The following UGGT2 variants were observed in gnomAD, a reference collection of about 807,000 sequenced individuals.
The protein encoded by UGGT2 is UDP-glucose:glycoprotein glucosyltransferase 2.
In UGGT2, 180 loss-of-function variants were observed where a neutral mutation model predicts 192.1. That is an observed-to-expected ratio of 0.94 (90% confidence interval 0.83 to 1.06). UGGT2 has a LOEUF of 1.06. UGGT2 is among the 50% of genes least tolerant of loss of function. UGGT2 has a pLI of 0.00. For missense variants in UGGT2, 1,849 were observed against 1,795.7 expected (o/e 1.03, Z -0.54); for synonymous variants, 580 against 591.0 (o/e 0.98, Z 0.27).
At chr13:96,039,690 G>A (rs2053110898) in intron 1 of UGGT2, among the ~76,000 whole-genome samples, 1 of 152,170 alleles carries the variant, frequency 6.6e-6, no homozygotes, top group African/African-American at 2.4e-5. Flanking sequence ...GCAGCGAGGA[G>A]AAACCAAGCA....
chr13:95,885,709 G>A (rs1436116626), intron 26 of UGGT2, among the ~76,000 whole-genome samples: 2 of 152,166 alleles, frequency 1.3e-5, no homozygotes, highest in East Asian at 3.8e-4. Flanking sequence ...GGAGAAACAG[G>A]AGAGAATACA....
intron 38 of UGGT2, among the ~76,000 whole-genome samples, chr13:95,823,320 TTTGTTGG>T (rs1885686161): frequency 1.3e-5 from 2 of 152,050 alleles, no homozygotes; most frequent in Non-Finnish European, 2.9e-5. Context: ...AAGTCCACTG[TTTGTTGG>T]CTTTCTGTCT....
At chr13:95,935,723 T>C (rs2049441318) in intron 17 of UGGT2, among the ~76,000 whole-genome samples, 1 of 152,222 alleles carries the variant, frequency 6.6e-6, no homozygotes, top group Non-Finnish European at 1.5e-5. Context: ...TCAAATATGT[T>C]TTCCTGGTTG....
chr13:95,960,920 T>C (rs1594444475), intron 12 of UGGT2, among the ~76,000 whole-genome samples: 2 of 152,100 alleles, frequency 1.3e-5, no homozygotes, highest in Non-Finnish European at 2.9e-5. Flanking sequence ...CAGTTGAGGA[T>C]ACTATACCCA....
intron 12 of UGGT2, among the ~76,000 whole-genome samples, chr13:95,969,362 C>T (rs1273091105): frequency 6.6e-6 from 1 of 152,206 alleles, no homozygotes; most frequent in Non-Finnish European, 1.5e-5. Context: ...ATAACAACTT[C>T]TGGGTCTTGC....
chr13:96,034,148 G>A (rs1464188824), intron 1 of UGGT2, among the ~76,000 whole-genome samples: 1 of 152,162 alleles, frequency 6.6e-6, no homozygotes, highest in Non-Finnish European at 1.5e-5. Flanking sequence ...TGACCTGCCT[G>A]TGGATAGGAG....
Position 95,994,694 on chromosome 13 carries a change from C to T in UGGT2, c.830+1369G>A, listed in dbSNP as rs2051562762. 2.6e-5 allele frequency among the ~76,000 whole-genome samples: 4 copies of T among 151,860 alleles called. 1 individual carries two copies. Among genetic ancestry groups the T allele is most frequent in the South Asian group, 4.1e-4 (2 of 4,826 alleles). ...CCAATTATTTACTTGACTTTTATGGCAGCTGTGTTAGAATAAAGAAAAGTA... is the reference window on the plus strand; with the variant it reads ...CCAATTATTTACTTGACTTTTATGGTAGCTGTGTTAGAATAAAGAAAAGTA... On this transcript the variant is annotated intron_variant, in intron 7 of 38. Transcript: ENST00000376747.
At chr13:96,034,254 AC>A (rs1194616885) in intron 1 of UGGT2, among the ~76,000 whole-genome samples, 7 of 151,986 alleles carry the variant, frequency 4.6e-5, no homozygotes, top group Non-Finnish European at 8.8e-5. Context: ...AGGGCTGCAG[AC>A]TCAACAGAAT....
chr13:95,845,740 G>A (rs934244299), intron 36 of UGGT2, among the ~76,000 whole-genome samples: 1 of 151,990 alleles, frequency 6.6e-6, no homozygotes, highest in Non-Finnish European at 1.5e-5. Flanking sequence ...TCCCAGACGG[G>A]GTGGCGGCGG....
At chr13:95,983,902 A>C (rs376658125) in intron 9 of UGGT2, 38 bp from the exon 10 acceptor site, 23 of 1,404,824 alleles carry the variant, frequency 1.6e-5, no homozygotes, top group Non-Finnish European at 2.1e-5. Context: ...ATCCTTCCTT[A>C]AATGTTTAGA....
At chr13:95,982,685 G>T (rs73562910) in intron 10 of UGGT2, among the ~76,000 whole-genome samples, 4 of 151,866 alleles carry the variant, frequency 2.6e-5, no homozygotes, top group Non-Finnish European at 4.4e-5. Context: ...TTTCTTTTGC[G>T]TATTAAGCCT....
intron 34 of UGGT2, among the ~76,000 whole-genome samples, chr13:95,854,914 A>C (rs1216678309): frequency 6.6e-6 from 1 of 152,048 alleles, no homozygotes; most frequent in African/African-American, 2.4e-5. Context: ...ATTATTCTAA[A>C]TAGCTTGAAT....
intron 4 of UGGT2, among the ~76,000 whole-genome samples, chr13:96,015,261 G>C (rs1379426228): frequency 4.2e-5 from 6 of 141,386 alleles, no homozygotes; most frequent in African/African-American, 1.3e-4. Flanking sequence ...CTGGGCAACA[G>C]AGCAAGACTC....
intron 20 of UGGT2, among the ~76,000 whole-genome samples, chr13:95,905,887 T>G (rs934505202): frequency 6.6e-6 from 1 of 152,164 alleles, no homozygotes; most frequent in Non-Finnish European, 1.5e-5. Flanking sequence ...TCAATTTTTG[T>G]GTATGACGTG....
chr13:95,809,760 TA>T (rs1465246087), intron 38 of UGGT2, among the ~76,000 whole-genome samples: 1 of 152,220 alleles, frequency 6.6e-6, no homozygotes, highest in Non-Finnish European at 1.5e-5. Flanking sequence ...TCTTGACTTT[TA>T]AAAACCAAAC....
At chr13:95,887,438 T>A (rs1464744442) in intron 26 of UGGT2, 1 of 370,042 alleles carries the variant, frequency 2.7e-6, no homozygotes, top group Non-Finnish European at 5.4e-6. Flanking sequence ...TAATGAGGAA[T>A]ATTTGTATAT....
At chr13:95,895,156 T>G (rs768776611) in intron 23 of UGGT2, 24 bp downstream of exon 23, 1 of 1,553,376 alleles carries the variant, frequency 6.4e-7, no homozygotes, top group Non-Finnish European at 8.6e-7. Context: ...CAAAATGAAT[T>G]GCTCTTAGAA....
chr13:95,905,928 C>A (rs2048277342), intron 20 of UGGT2, among the ~76,000 whole-genome samples: 1 of 152,140 alleles, frequency 6.6e-6, no homozygotes, highest in African/African-American at 2.4e-5. Flanking sequence ...ATTACCCTTA[C>A]TGTTCCATAA....
rs528444479 is a variant in UGGT2 at position 95,990,209 on chromosome 13, G to A, written c.831-136C>T. 6 of 488,908 alleles carry A rather than the reference G, an allele frequency of 1.2e-5. No individual in the cohort carries two copies. In the South Asian group the frequency reaches 2.2e-4, roughly 18 times the overall value. The allele number at this position is 488,908 out of a possible 1,614,324, so 30.3% of individuals were successfully genotyped here. On this transcript the variant is annotated intron_variant, in intron 7 of 38. Coordinates refer to ENST00000376747, the MANE Select transcript of UGGT2 (RefSeq NM_020121.4). Reference sequence around the variant, plus strand: ...TTCATCATTAAGATAATCATAAATTGTGATACAGCTATATTCACGGAACTT... The same window carrying A: ...TTCATCATTAAGATAATCATAAATTATGATACAGCTATATTCACGGAACTT...
Sources: gnomAD v4.1 joint callset for allele counts (sites outside exome capture counted in the v4.1 genomes callset) on GRCh38, gnomAD v4.1.1 for gene constraint, MANE v1.5 for transcripts, NCBI Gene and HGNC (gene_info 2026-07-23, HGNC 2026-07-21) for gene names.